The following MROH9 variants were observed in gnomAD, a reference collection of about 807,000 sequenced individuals.
MROH9 encodes the protein maestro heat-like repeat-containing protein family member 9.
In MROH9, 92 loss-of-function variants were observed where a neutral mutation model predicts 98.2. The ratio of observed to expected loss-of-function variants is 0.94; its 90% confidence interval spans 0.79 to 1.11. The LOEUF is 1.11. Among genes scored for constraint, MROH9 ranks in the 50% most tolerant of loss-of-function variants. The pLI is 0.00. For missense variants in MROH9, 1,057 were observed against 1,014.8 expected (o/e 1.04, Z -0.57); for synonymous variants, 397 against 368.9 (o/e 1.08, Z -0.87).
At chr1:171,019,724 C>T (rs1349003815) in intron 17 of MROH9, among the ~76,000 whole-genome samples, 1 of 148,988 alleles carries the variant, frequency 6.7e-6, no homozygotes, top group Non-Finnish European at 1.5e-5. Context: ...GAAGCAGGAG[C>T]AAACAAATTC....
chr1:170,964,174 A>C (rs1220445422), intron 6 of MROH9, among the ~76,000 whole-genome samples: 1 of 152,108 alleles, frequency 6.6e-6, no homozygotes, highest in African/African-American at 2.4e-5. Context: ...TCCATTTCAC[A>C]GATTTAAAAA....
intron 20 of MROH9, among the ~76,000 whole-genome samples, chr1:171,056,958 C>T (rs1347935260): frequency 6.6e-6 from 1 of 152,160 alleles, no homozygotes; most frequent in Non-Finnish European, 1.5e-5. Flanking sequence ...AAACTTCATC[C>T]AAGAGTCAGC....
Position 171,001,869 on chromosome 1 carries a change from T to C in MROH9, c.1596+3595T>C, listed in dbSNP as rs186964613. 6.4e-4 allele frequency among the ~76,000 whole-genome samples: 98 copies of C among 152,282 alleles called. No homozygotes were observed. The East Asian group carries it at 0.014, about 21-fold the overall frequency. The stretch of plus-strand genomic sequence containing the variant: ...GTCCCCCACTATTATTGTGTTGCTG[T>C]CTATCTCATATTTTAGGTCTATTAG... On this transcript the variant is annotated intron_variant, in intron 15 of 21. Transcript: ENST00000367759.
intron 20 of MROH9, among the ~76,000 whole-genome samples, chr1:171,052,532 A>C (rs1236571247): frequency 1.3e-5 from 2 of 152,186 alleles, no homozygotes; most frequent in Admixed American, 6.5e-5. Flanking sequence ...GTATAGAGCG[A>C]AGAGACTATC....
intron 20 of MROH9, among the ~76,000 whole-genome samples, chr1:171,026,281 T>C (rs1231413048): frequency 1.4e-5 from 2 of 147,244 alleles, no homozygotes; most frequent in Non-Finnish European, 3.0e-5. Context: ...TTTCTTTTCT[T>C]TTTTTTTTTT....
At chr1:171,037,597 ATTGC>A (rs1426472668) in intron 20 of MROH9, among the ~76,000 whole-genome samples, 1 of 151,986 alleles carries the variant, frequency 6.6e-6, no homozygotes, top group Non-Finnish European at 1.5e-5. Flanking sequence ...TTTCTTCAAC[ATTGC>A]TTGCTGATTC....
intron 3 of MROH9, among the ~76,000 whole-genome samples, chr1:170,952,679 A>G (rs1438338911): frequency 2.0e-5 from 3 of 151,972 alleles, no homozygotes; most frequent in Admixed American, 1.3e-4. Flanking sequence ...CAGCACACCA[A>G]CATGGCACAT....
intron 8 of MROH9, among the ~76,000 whole-genome samples, chr1:170,977,780 G>A (rs1650769797): frequency 6.6e-6 from 1 of 152,200 alleles, no homozygotes; most frequent in Non-Finnish European, 1.5e-5. Context: ...GACCTCAGCA[G>A]TGAGTGTGGC....
chr1:170,998,193 C>G lies in MROH9; in HGVS notation c.1515C>G (p.Thr505=). ...ATAACTTTCCACAGTTTCCGGAGACCCTGAGTTATCTCTATAAGCTCTCAG... is the reference window on the plus strand; with the variant it reads ...ATAACTTTCCACAGTTTCCGGAGACGCTGAGTTATCTCTATAAGCTCTCAG... ...SEYNFPQFPE[T]LSYLYKLSVE... Residue 505 remains threonine, a synonymous_variant, in exon 15 of 22, where the codon ACC becomes ACG. Coordinates refer to ENST00000367759, the MANE Select transcript of MROH9 (RefSeq NM_001163629.2). 1.2e-6 allele frequency: 2 copies of G among 1,611,680 alleles called. No homozygotes were observed. Among genetic ancestry groups the G allele is most frequent in the Non-Finnish European group, 1.7e-6 (2 of 1,179,066 alleles).
At chr1:170,972,829 T>TATACACACACAC (rs113056364) in intron 8 of MROH9, among the ~76,000 whole-genome samples, 1 of 128,682 alleles carries the variant, frequency 7.8e-6, no homozygotes, top group Non-Finnish European at 1.6e-5. Context: ...AAAAAAAAAA[T>TATACACACACAC]ACACACACAC....
intron 1 of MROH9, among the ~76,000 whole-genome samples, chr1:170,941,807 C>G (rs1649131167): frequency 6.6e-6 from 1 of 152,164 alleles, no homozygotes; most frequent in South Asian, 2.1e-4. Context: ...GGTGTGTCTT[C>G]TGGACACTCC....
chr1:170,996,792 C>T (rs971963929), intron 14 of MROH9, 148 bp downstream of exon 14: 8 of 825,712 alleles, frequency 9.7e-6, no homozygotes, highest in Non-Finnish European at 1.3e-5. Context: ...ATTTCTACTT[C>T]TTCAATTATT....
At chr1:171,004,203 C>G (rs1221431306) in intron 15 of MROH9, among the ~76,000 whole-genome samples, 1 of 152,190 alleles carries the variant, frequency 6.6e-6, no homozygotes, top group Non-Finnish European at 1.5e-5. Flanking sequence ...TAGTTCTTCC[C>G]CTGCCTGTGA....
intron 15 of MROH9, among the ~76,000 whole-genome samples, chr1:171,001,825 G>C (rs181681567): frequency 5.8e-4 from 88 of 152,260 alleles, no homozygotes; most frequent in Non-Finnish European, 9.9e-4. Context: ...CTTGTTTAGT[G>C]CTGCCAGTGG....
chr1:170,972,220 G>C (rs1369156351), intron 8 of MROH9, among the ~76,000 whole-genome samples: 2 of 152,152 alleles, frequency 1.3e-5, no homozygotes, highest in East Asian at 1.9e-4. Context: ...CTGTCTAATT[G>C]AGTATCTGAT....
chr1:170,945,086 C>A (rs944085978), intron 1 of MROH9, among the ~76,000 whole-genome samples: 1 of 151,804 alleles, frequency 6.6e-6, no homozygotes, highest in African/African-American at 2.4e-5. Context: ...GTGAGATGGC[C>A]TCTGGAACAG....
At chr1:170,949,779 A>C (rs1346245454) in intron 3 of MROH9, among the ~76,000 whole-genome samples, 1 of 152,022 alleles carries the variant, frequency 6.6e-6, no homozygotes, top group Non-Finnish European at 1.5e-5. Flanking sequence ...CAAATCACCA[A>C]CAGGAAGGGG....
intron 12 of MROH9, among the ~76,000 whole-genome samples, chr1:170,994,776 A>G (rs975632977): frequency 2.0e-5 from 3 of 151,982 alleles, no homozygotes; most frequent in African/African-American, 7.3e-5. Flanking sequence ...GTAACCAATA[A>G]ATCTCATTTT....
chr1:170,998,848 G>A (rs957992605), intron 15 of MROH9: 60 of 726,906 alleles, frequency 8.3e-5, no homozygotes, highest in Non-Finnish European at 9.8e-5. Flanking sequence ...AATATAATAG[G>A]CACATATTAC....
Sources: gnomAD v4.1 joint callset for allele counts (sites outside exome capture counted in the v4.1 genomes callset) on GRCh38, gnomAD v4.1.1 for gene constraint, MANE v1.5 for transcripts, NCBI Gene and HGNC (gene_info 2026-07-23, HGNC 2026-07-21) for gene names.